TARS1: variants seen among roughly 807,000 people sequenced by gnomAD.
TARS1 encodes the protein threonine--tRNA ligase 1, cytoplasmic.
In TARS1, 57 loss-of-function variants were observed where a neutral mutation model predicts 97.7. That is an observed-to-expected ratio of 0.58 (90% CI 0.47 to 0.73). The LOEUF (loss-of-function observed/expected upper bound fraction) is 0.73, where lower values mean the gene tolerates loss of function less well. Among genes scored for constraint, TARS1 ranks in the 30% least tolerant of loss-of-function variants. The pLI, the probability that TARS1 is intolerant of heterozygous loss-of-function variation, is 0.00. For synonymous variants in TARS1, 312 were observed against 293.7 expected, an observed-to-expected ratio of 1.06 and a Z score of -0.64; for missense variants, 806 against 888.3, an observed-to-expected ratio of 0.91 and a Z score of 1.18.
rs1579582854 is a variant in TARS1 at position 33,453,513 on chromosome 5, G to A, written c.453+101G>A. On this transcript the variant is annotated intron_variant, in intron 4 of 18. Transcript: ENST00000265112. ...TGCGATTGGGTGGCTAACATTTATTGTTGTCTCACTGTCATATTTGAAATC... is the reference window on the plus strand; with the variant it reads ...TGCGATTGGGTGGCTAACATTTATTATTGTCTCACTGTCATATTTGAAATC... 6 of 1,391,090 alleles carry A rather than the reference G, an allele frequency of 4.3e-6. No homozygotes were observed. In the East Asian group the frequency reaches 6.9e-5, roughly 16 times the overall value. 86.2% of individuals were successfully genotyped at this position (1,391,090 alleles called of 1,614,324 possible).
rs373201632 is a variant in TARS1 at position 33,461,198 on chromosome 5, C to T, written c.1454C>T (p.Thr485Met). 9.3e-6 allele frequency: 15 copies of T among 1,612,534 alleles called. No individual in the cohort carries two copies. Among genetic ancestry groups the T allele is most frequent in the Admixed American group, 8.4e-5 (5 of 59,760 alleles). Residue 485 changes from threonine to methionine, a missense_variant, in exon 13 of 19, where the codon ACG (threonine) becomes ATG (methionine). Physicochemically the swap from Thr to Met is moderately conservative, Grantham distance 81 (BLOSUM62 -1). Coordinates refer to ENST00000265112, the MANE Select transcript of TARS1 (RefSeq NM_152295.5). ...EIKGCLDFLR[T>M]VYSVFGFSFK... ...AAAGGTTGTTTGGATTTTCTACGTA[C>T]GGTATATAGCGTATTTGGATTTTCT... is the stretch of plus-strand genomic sequence containing the variant.
At chr5:33,441,371 A>G (rs1427289242) in intron 1 of TARS1, 2 of 561,614 alleles carry the variant, frequency 3.6e-6, no homozygotes, top group Non-Finnish European at 6.4e-6. Flanking sequence ...TTCTCTTTAC[A>G]GATGAGGAAA....
intron 1 of TARS1, chr5:33,441,384 G>C (rs553997471): frequency 3.8e-5 from 20 of 530,996 alleles, no homozygotes; most frequent in African/African-American, 3.2e-4. Context: ...TGAGGAAACA[G>C]ACCTTGAGTG....
intron 3 of TARS1, among the ~76,000 whole-genome samples, chr5:33,450,409 C>G (rs1741673134): frequency 6.6e-6 from 1 of 152,124 alleles, no homozygotes; most frequent in Non-Finnish European, 1.5e-5. Flanking sequence ...ACCAGTTAGG[C>G]CTATGAGCCA....
intron 2 of TARS1, among the ~76,000 whole-genome samples, chr5:33,445,808 G>T (rs1741383258): frequency 6.6e-6 from 1 of 152,190 alleles, no homozygotes; most frequent in Non-Finnish European, 1.5e-5. Context: ...AAGAAAGCCA[G>T]TTTTTTGACC....
chr5:33,448,196 A>G (rs1477948893), intron 2 of TARS1, among the ~76,000 whole-genome samples: 2 of 152,230 alleles, frequency 1.3e-5, no homozygotes, highest in African/African-American at 4.8e-5. Flanking sequence ...TAGAAAAGCC[A>G]GTTTATTGTT....
intron 1 of TARS1, chr5:33,441,344 G>A (rs990455424): frequency 6.7e-6 from 4 of 600,670 alleles, no homozygotes; most frequent in Admixed American, 5.9e-5. Flanking sequence ...GGGCCTTGCA[G>A]TTCATCTGTG....
chr5:33,454,055 T>G (rs968756640), intron 4 of TARS1, among the ~76,000 whole-genome samples: 2 of 152,196 alleles, frequency 1.3e-5, no homozygotes, highest in Non-Finnish European at 1.5e-5. Context: ...ATATGTACAT[T>G]TGACAAATAA....
In TARS1 at chr5:33,448,551, G is replaced by C; in HGVS notation, c.149G>C (p.Trp50Ser). Residue 50 changes from tryptophan to serine, a missense_variant, in exon 3 of 19, where the codon TGG (tryptophan) becomes TCG (serine). Transcript: ENST00000265112. ...GDGGRAELNP[W>S]PEYIYTRLEM... ...TTTGTTGTCTTGCAGTTGAATCCTT[G>C]GCCTGAATATATTTACACACGTCTT... 1 of 1,580,704 alleles carries C rather than the reference G, an allele frequency of 6.3e-7. No homozygotes were observed. The highest frequency in any genetic ancestry group is 2.3e-5 in the East Asian group (1 of 43,260).
chr5:33,451,166 C>G (rs777859555), intron 3 of TARS1, among the ~76,000 whole-genome samples: 1 of 152,080 alleles, frequency 6.6e-6, no homozygotes, highest in African/African-American at 2.4e-5. Flanking sequence ...GGCTTTAGCT[C>G]TGGAGTTAAG....
Position 33,458,639 on chromosome 5 carries a change from A to T in TARS1, c.1058A>T (p.Tyr353Phe), listed in dbSNP as rs140610365. 1.2e-5 allele frequency: 19 copies of T among 1,613,320 alleles called. No homozygotes were observed. In the Middle Eastern group the frequency reaches 4.9e-4, roughly 42 times the overall value. The change falls in exon 10 of 19, where the codon TAT (tyrosine) becomes TTT (phenylalanine). Residue 353 changes from tyrosine to phenylalanine, a missense_variant. Coordinates refer to ENST00000265112, the MANE Select transcript of TARS1 (RefSeq NM_152295.5). ...CFFLPKGAYI[Y>F]NALIEFIRSE... The stretch of plus-strand genomic sequence containing the variant: ...TTTCTGCCAAAAGGAGCCTACATTT[A>T]TAATGCACTTATTGAATTCATTAGG...
chr5:33,457,291 T>C lies in TARS1; in HGVS notation c.872T>C (p.Met291Thr), dbSNP rs1260348685. Residue 291 changes from methionine (M) to threonine (T), a missense_variant, in exon 9 of 19, where the codon ATG becomes ACG. This residue lies in a region of TARS1 where 356 missense variants were observed against 357.8 expected (regional missense o/e 0.99). Coordinates refer to ENST00000265112, the MANE Select transcript of TARS1 (RefSeq NM_152295.5). Reference sequence around the variant, plus strand: ...ACGTACTGGGAAGGCAAAGCAGATATGGAGACTCTCCAGAGAATTTATGGC... The same window carrying C: ...ACGTACTGGGAAGGCAAAGCAGATACGGAGACTCTCCAGAGAATTTATGGC... ...SSTYWEGKAD[M>T]ETLQRIYGIS... 1.1e-5 allele frequency: 17 copies of C among 1,614,090 alleles called. No homozygotes were observed. The highest frequency in any genetic ancestry group is 2.2e-5 in the East Asian group (1 of 44,896).
Position 33,456,047 on chromosome 5 carries a change from C to G in TARS1, c.739C>G (p.Pro247Ala). The G allele has an allele frequency of 6.2e-7, 1 of 1,613,710 alleles. No homozygotes were observed. Among genetic ancestry groups the G allele is most frequent in the Non-Finnish European group, 8.5e-7 (1 of 1,179,796 alleles). Residue 247 changes from proline to alanine, a missense_variant, in exon 7 of 19, where the codon CCA (proline) becomes GCA (alanine). Transcript: ENST00000265112. The part of the protein sequence containing the change: ...CRILNEKVNT[P>A]TTTVYRCGPL... ...GATATTGAATGAAAAGGTGAATACT[C>G]CAACTACCACAGTCTATAGGTAAGA...
chr5:33,451,424 G>T (rs2111953098), intron 3 of TARS1, among the ~76,000 whole-genome samples: 1 of 151,156 alleles, frequency 6.6e-6, no homozygotes, highest in Admixed American at 6.6e-5. Context: ...GCCCAGGCTG[G>T]AGTGCATTGG....
chr5:33,445,731 T>C (rs559825334), intron 2 of TARS1, among the ~76,000 whole-genome samples: 2 of 152,330 alleles, frequency 1.3e-5, no homozygotes, highest in East Asian at 3.9e-4. Flanking sequence ...CTCTGACATT[T>C]CATTAAATGA....
At chr5:33,462,836 T>A (rs1000121512) in intron 16 of TARS1, among the ~76,000 whole-genome samples, 1 of 152,070 alleles carries the variant, frequency 6.6e-6, no homozygotes, top group Non-Finnish European at 1.5e-5. Flanking sequence ...ATTAATCATA[T>A]TGATTTAAAA....
chr5:33,456,019 C>T lies in TARS1; in HGVS notation c.711C>T (p.Cys237=). The T allele has an allele frequency of 1.9e-6, 3 of 1,613,492 alleles. No individual in the cohort carries two copies. The highest frequency in any genetic ancestry group is 1.1e-5 in the South Asian group (1 of 91,032). Residue 237 remains cysteine (C), a synonymous_variant, in exon 7 of 19, where the codon TGC becomes TGT. Coordinates refer to ENST00000265112, the MANE Select transcript of TARS1 (RefSeq NM_152295.5). ...GTTTTCAGTACAACAAGTTCAAATGCCGGATATTGAATGAAAAGGTGAATA... is the reference window on the plus strand; with the variant it reads ...GTTTTCAGTACAACAAGTTCAAATGTCGGATATTGAATGAAAAGGTGAATA... The part of the protein sequence containing the change: ...LAMFKYNKFK[C]RILNEKVNTP...
intron 17 of TARS1, among the ~76,000 whole-genome samples, chr5:33,465,441 G>C (rs1341821244): frequency 6.6e-6 from 1 of 152,194 alleles, no homozygotes; most frequent in Non-Finnish European, 1.5e-5. Flanking sequence ...TAAACACCCT[G>C]TAATTATCAG....
chr5:33,453,472 T>C (rs1741854776), intron 4 of TARS1, 60 bp downstream of exon 4: 1 of 1,595,730 alleles, frequency 6.3e-7, no homozygotes, highest in African/African-American at 1.3e-5. Context: ...TGAAGTCTTT[T>C]CCAGCTCAGT....
Sources: allele counts gnomAD v4.1 joint callset (sites outside exome capture counted in the v4.1 genomes callset), GRCh38; gene constraint gnomAD v4.1.1; regional missense constraint gnomAD v4.1.1; transcripts MANE v1.5; gene names NCBI Gene and HGNC (gene_info 2026-07-23, HGNC 2026-07-21).